The following C8orf34 variants were observed in gnomAD, a reference collection of about 807,000 sequenced individuals.
The protein encoded by C8orf34 is uncharacterized protein C8orf34.
C8orf34 carries 65 observed loss-of-function variants against 68.3 expected under a neutral mutation model. The ratio of observed to expected loss-of-function variants is 0.95; its 90% CI spans 0.78 to 1.17. The LOEUF (loss-of-function observed/expected upper bound fraction) is 1.17. Among genes scored for constraint, C8orf34 ranks in the 50% most tolerant of loss-of-function variants. The probability of loss-of-function intolerance (pLI) is 0.00; values close to 1 mark genes in which losing one functional copy is unlikely to be tolerated. For synonymous variants in C8orf34, 244 were observed against 241.2 expected (o/e 1.01, Z -0.11); for missense variants, 664 against 655.4 (o/e 1.01, Z -0.14).
chr8:68,393,584 C>T (rs74921417), intron 1 of C8orf34, among the ~76,000 whole-genome samples: 5,945 of 122,116 alleles, frequency 0.049, 227 homozygotes, highest in African/African-American at 0.12. Context: ...GAAAATGACA[C>T]CATGGCAAAA....
chr8:68,757,501 G>A (rs929961161), intron 10 of C8orf34, among the ~76,000 whole-genome samples: 1 of 152,026 alleles, frequency 6.6e-6, no homozygotes, highest in Non-Finnish European at 1.5e-5. Context: ...ATGATGGCGG[G>A]CGCCTGTAGT....
intron 10 of C8orf34, among the ~76,000 whole-genome samples, chr8:68,742,274 T>G (rs1205230244): frequency 6.6e-6 from 1 of 152,220 alleles, no homozygotes; most frequent in Non-Finnish European, 1.5e-5. Context: ...TTGCTGCTAA[T>G]GTCCAGTTTT....
At chr8:68,494,788 G>A (rs981521079) in intron 5 of C8orf34, among the ~76,000 whole-genome samples, 7 of 151,746 alleles carry the variant, frequency 4.6e-5, no homozygotes, top group South Asian at 2.1e-4. Context: ...CACGGGAGGC[G>A]GAGGTTGCAG....
At chr8:68,792,533 C>CTGCACTCCA (rs1824033832) in intron 12 of C8orf34, 1 of 124,480 alleles carries the variant, frequency 8.0e-6, no homozygotes, top group Non-Finnish European at 1.6e-5. Context: ...GATCACACCA[C>CTGCACTCCA]TGCACTCCAG....
chr8:68,719,903 G>GTTT (rs1821620940), intron 9 of C8orf34, among the ~76,000 whole-genome samples: 1 of 152,032 alleles, frequency 6.6e-6, no homozygotes, highest in Non-Finnish European at 1.5e-5. Context: ...TAAAATTATA[G>GTTT]TAGCATTTGC....
At chr8:68,449,949 G>T (rs752724136) in intron 3 of C8orf34, among the ~76,000 whole-genome samples, 1 of 152,134 alleles carries the variant, frequency 6.6e-6, no homozygotes, top group Non-Finnish European at 1.5e-5. Flanking sequence ...ATTGTACACA[G>T]AGTAGAACTT....
intron 8 of C8orf34, among the ~76,000 whole-genome samples, chr8:68,686,842 T>A (rs993467304): frequency 1.3e-5 from 2 of 152,098 alleles, no homozygotes; most frequent in Admixed American, 6.6e-5. Flanking sequence ...ACTAGTGCTG[T>A]TCACCAATGA....
At chr8:68,625,663 A>G in intron 7 of C8orf34, 1 of 700,824 alleles carries the variant, frequency 1.4e-6, no homozygotes. Flanking sequence ...AAGGTATGTC[A>G]TGTGCCTGCT....
chr8:68,351,706 GGGTAAATACCA>G (rs1386296220), intron 1 of C8orf34, among the ~76,000 whole-genome samples: 1 of 151,852 alleles, frequency 6.6e-6, no homozygotes, highest in Non-Finnish European at 1.5e-5. Context: ...CAATTCCTTT[GGGTAAATACCA>G]GGTAGCATGA....
intron 1 of C8orf34, among the ~76,000 whole-genome samples, chr8:68,367,931 A>AAG (rs1807377182): frequency 1.4e-5 from 2 of 145,620 alleles, no homozygotes. Context: ...AAAAAAAAAA[A>AAG]AAAAAAGAAA....
chr8:68,460,017 A>G, intron 3 of C8orf34, among the ~76,000 whole-genome samples: 1 of 152,230 alleles, frequency 6.6e-6, no homozygotes, highest in Non-Finnish European at 1.5e-5. Flanking sequence ...ACAAGGGGTC[A>G]GGGAGTTCCC....
At chr8:68,628,141 C>T (rs546001809) in intron 7 of C8orf34, among the ~76,000 whole-genome samples, 1 of 152,194 alleles carries the variant, frequency 6.6e-6, no homozygotes, top group South Asian at 2.1e-4. Flanking sequence ...TTCCACCAGA[C>T]CCTCTTTTTC....
intron 8 of C8orf34, among the ~76,000 whole-genome samples, chr8:68,706,233 C>T (rs1202746985): frequency 6.6e-6 from 1 of 152,194 alleles, no homozygotes. Context: ...TGGAGTCTGC[C>T]TTCGCAGGAG....
chr8:68,694,041 G>GT lies in C8orf34; in HGVS notation c.1242-14952dup, dbSNP rs199844412. ...CCCCAAATACCTACTTATTTGCTAC[G>GT]TGGATGCTCCGAAAAATATAACTTT... On this transcript the variant is annotated intron_variant, in intron 8 of 13. Coordinates refer to ENST00000518698, the MANE Select transcript of C8orf34 (RefSeq NM_052958.4). Among the ~76,000 whole-genome samples, 292 of 152,100 alleles carry GT rather than the reference G, an allele frequency of 1.9e-3. 4 individuals carry two copies. In the East Asian group the frequency reaches 0.026, roughly 14 times the overall value.
At chr8:68,607,877 G>A (rs956285949) in intron 7 of C8orf34, among the ~76,000 whole-genome samples, 2 of 152,048 alleles carry the variant, frequency 1.3e-5, no homozygotes, top group African/African-American at 4.8e-5. Flanking sequence ...GCTAAGATAC[G>A]TTCAAAAGGA....
At chr8:68,421,338 C>T (rs1166431782) in intron 1 of C8orf34, among the ~76,000 whole-genome samples, 2 of 152,078 alleles carry the variant, frequency 1.3e-5, no homozygotes, top group East Asian at 3.9e-4. Context: ...TCTCTTATAC[C>T]TCAGATTGGG....
chr8:68,700,365 T>C (rs1408944974), intron 8 of C8orf34, among the ~76,000 whole-genome samples: 1 of 151,950 alleles, frequency 6.6e-6, no homozygotes, highest in Non-Finnish European at 1.5e-5. Flanking sequence ...GTTGGAATGA[T>C]CAAGGATGAA....
At chr8:68,445,660 G>A (rs1002400226) in intron 2 of C8orf34, among the ~76,000 whole-genome samples, 5 of 152,106 alleles carry the variant, frequency 3.3e-5, no homozygotes, top group African/African-American at 1.2e-4. Flanking sequence ...TGATAGATAA[G>A]GTGGCATCAA....
chr8:68,537,541 A>T (rs1276101204), intron 7 of C8orf34, among the ~76,000 whole-genome samples: 1 of 151,544 alleles, frequency 6.6e-6, no homozygotes, highest in African/African-American at 2.4e-5. Flanking sequence ...CCTTCCTGAT[A>T]TATTTTATAG....
Sources: gnomAD v4.1 joint callset for allele counts (sites outside exome capture counted in the v4.1 genomes callset) on GRCh38, gnomAD v4.1.1 for gene constraint, MANE v1.5 for transcripts, NCBI Gene and HGNC (gene_info 2026-07-23, HGNC 2026-07-21) for gene names.